Variants in DNAH6 observed in about 807,000 individuals in gnomAD.
DNAH6 encodes axonemal beta dynein heavy chain 6.
DNAH6 carries 340 observed loss-of-function variants against 491.4 expected under a neutral mutation model. The ratio of observed to expected loss-of-function variants is 0.69; its 90% CI spans 0.63 to 0.76. The LOEUF (loss-of-function observed/expected upper bound fraction) is 0.76. DNAH6 is among the 30% of genes least tolerant of loss of function. DNAH6 has a pLI of 0.00. For synonymous variants in DNAH6, 1,603 were observed against 1,686.1 expected, an observed-to-expected ratio of 0.95 and a Z score of 1.21; for missense variants, 4,443 against 4,972.2, an observed-to-expected ratio of 0.89 and a Z score of 3.20.
At chr2:84,682,658 C>T (rs1246871078) in intron 42 of DNAH6, among the ~76,000 whole-genome samples, 3 of 152,190 alleles carry the variant, frequency 2.0e-5, no homozygotes, top group Admixed American at 2.0e-4. Flanking sequence ...GAGGAGACTA[C>T]CATTAGTTGC....
intron 10 of DNAH6, among the ~76,000 whole-genome samples, chr2:84,556,365 C>G (rs748661679): frequency 2.6e-5 from 4 of 152,184 alleles, no homozygotes; most frequent in African/African-American, 7.2e-5. Context: ...TGCAGAGTAT[C>G]CTATTTCTGC....
intron 41 of DNAH6, among the ~76,000 whole-genome samples, chr2:84,680,197 A>G (rs576271969): frequency 6.0e-4 from 92 of 152,328 alleles, no homozygotes; most frequent in African/African-American, 2.1e-3. Flanking sequence ...GGTTTATTTC[A>G]AAAGATCTCA....
chr2:84,693,396 G>GT lies in DNAH6; in HGVS notation c.7293-850dup, dbSNP rs958119021. Among the ~76,000 whole-genome samples the GT allele has an allele frequency of 1.0e-3, 155 of 152,014 alleles. 1 individual carries two copies. The highest frequency in any genetic ancestry group is 3.6e-3 in the African/African-American group (150 of 41,444). On this transcript the variant is annotated intron_variant, in intron 45 of 76. Transcript: ENST00000389394. ...CCCAACTTTTCCTAAATTTGGGGGGGTTTCCCTCCTTTTTGAGTGCTCTCT... is the reference window on the plus strand; with the variant it reads ...CCCAACTTTTCCTAAATTTGGGGGGGTTTTCCCTCCTTTTTGAGTGCTCTCT...
intron 15 of DNAH6, among the ~76,000 whole-genome samples, chr2:84,586,557 C>G (rs915571698): frequency 2.6e-5 from 4 of 152,140 alleles, no homozygotes; most frequent in African/African-American, 9.7e-5. Context: ...TACAGTGATT[C>G]ATTTCATGGG....
At chr2:84,564,471 T>C (rs1680975463) in intron 11 of DNAH6, among the ~76,000 whole-genome samples, 1 of 152,186 alleles carries the variant, frequency 6.6e-6, no homozygotes, top group Non-Finnish European at 1.5e-5. Flanking sequence ...GATTGAGTTA[T>C]TGATTTGAAT....
chr2:84,517,917 A>C lies in DNAH6; in HGVS notation c.91A>C (p.Lys31Gln), dbSNP rs1260988026. The C allele has an allele frequency of 1.9e-6, 3 of 1,551,704 alleles. No individual in the cohort carries two copies. The Admixed American group carries it at 5.9e-5, about 30-fold the overall frequency. The change falls in exon 2 of 77, where the codon AAA becomes CAA. Residue 31 changes from lysine to glutamine, a missense_variant. This residue lies in a region of DNAH6 where 2,977 missense variants were observed against 3,296.6 expected (regional missense o/e 0.90). Transcript: ENST00000389394. ...NSALSRLNNI[K>Q]AKQRVSYVTS... ...TGCACTTTCAAGACTGAATAATATA[A>C]AAGCCAAACAAAGAGTGAGTTATGT...
chr2:84,547,139 G>A (rs1678865764), intron 5 of DNAH6, 129 bp from the exon 6 acceptor site: 1 of 705,040 alleles, frequency 1.4e-6, no homozygotes, highest in African/African-American at 1.8e-5. Flanking sequence ...TATGCATTTT[G>A]TAGTTGTAGC....
intron 63 of DNAH6, among the ~76,000 whole-genome samples, chr2:84,745,613 C>G (rs1672895469): frequency 6.6e-6 from 1 of 151,108 alleles, no homozygotes; most frequent in Non-Finnish European, 1.5e-5. Flanking sequence ...TTGCAGTGAG[C>G]CGAGATCGCG....
chr2:84,600,448 C>G (rs1685105434), intron 18 of DNAH6, among the ~76,000 whole-genome samples: 1 of 151,964 alleles, frequency 6.6e-6, no homozygotes, highest in South Asian at 2.1e-4. Context: ...TTTTCCATCC[C>G]AAGATTTCAT....
At chr2:84,614,652 C>G (rs1344741625) in intron 22 of DNAH6, among the ~76,000 whole-genome samples, 1 of 152,104 alleles carries the variant, frequency 6.6e-6, no homozygotes, top group African/African-American at 2.4e-5. Flanking sequence ...TTCCCACCAG[C>G]AGTGGAAAAG....
chr2:84,706,279 C>T (rs894428254), intron 52 of DNAH6, among the ~76,000 whole-genome samples: 1 of 152,198 alleles, frequency 6.6e-6, no homozygotes. Context: ...CTGCAGCGAG[C>T]ACTCAGCTCT....
At chr2:84,587,948 A>G (rs1345111537) in intron 15 of DNAH6, among the ~76,000 whole-genome samples, 3 of 152,296 alleles carry the variant, frequency 2.0e-5, no homozygotes, top group East Asian at 3.9e-4. Context: ...GCACCATGCT[A>G]GCCCCTATGC....
chr2:84,594,080 T>C lies in DNAH6; in HGVS notation c.2719T>C (p.Leu907=), dbSNP rs1684351598. ...SEWDKLQQEW[L]KSKFDCLDPE... is the part of the protein sequence containing the mutation. Reference sequence around the variant, plus strand: ...ATGGGATAAACTCCAACAAGAATGGTTAAAGGTAGGGGAAAAAAGCCTTCA... The same window carrying C: ...ATGGGATAAACTCCAACAAGAATGGCTAAAGGTAGGGGAAAAAAGCCTTCA... Residue 907 remains leucine, a synonymous_variant, in exon 17 of 77, where the codon TTA becomes CTA. Transcript: ENST00000389394. The C allele has an allele frequency of 1.3e-6, 2 of 1,527,442 alleles. No homozygotes were observed. Among genetic ancestry groups the C allele is most frequent in the Non-Finnish European group, 8.9e-7 (1 of 1,129,688 alleles). The allele number at this position is 1,527,442 out of a possible 1,614,324, so 94.6% of individuals were successfully genotyped here.
the DNAH6 span, among the ~76,000 whole-genome samples, chr2:84,482,861 T>A: frequency 6.6e-6 from 1 of 152,186 alleles, no homozygotes; most frequent in African/African-American, 2.4e-5. Context: ...CCAGCAGGAT[T>A]CAAGCCCTGA....
rs1697218620 is a variant in DNAH6, at chr2:84,713,211, T to C, written c.9495T>C (p.Phe3165=). Residue 3165 remains phenylalanine (F), a synonymous_variant, in exon 57 of 77, where the codon TTT becomes TTC. Coordinates refer to ENST00000389394, the MANE Select transcript of DNAH6 (RefSeq NM_001370.2). ...CAGACATTGATTATGACAAAAACTT[T>C]AGGTTCTATATGACAACCAAAATGC... The part of the protein sequence containing the change: ...GDSDIDYDKN[F]RFYMTTKMPN... The C allele has an allele frequency of 1.9e-6, 3 of 1,552,208 alleles. No homozygotes were observed. The highest frequency in any genetic ancestry group is 1.7e-6 in the Non-Finnish European group (2 of 1,147,090).
intron 33 of DNAH6, among the ~76,000 whole-genome samples, chr2:84,647,854 A>T (rs1211939741): frequency 6.6e-6 from 1 of 152,248 alleles, no homozygotes; most frequent in Admixed American, 6.5e-5. Context: ...TACAAAACAT[A>T]GTAGTTCTTG....
intron 67 of DNAH6, among the ~76,000 whole-genome samples, chr2:84,786,161 C>T (rs753865601): frequency 6.6e-6 from 1 of 152,060 alleles, no homozygotes; most frequent in Admixed American, 6.6e-5. Flanking sequence ...CACAGTGGCT[C>T]ATCCTTGTAA....
chr2:84,560,591 T>A (rs576362665), intron 11 of DNAH6, among the ~76,000 whole-genome samples: 2 of 151,178 alleles, frequency 1.3e-5, no homozygotes, highest in Non-Finnish European at 2.9e-5. Context: ...GTATATCTCC[T>A]AATGCTATCC....
chr2:84,637,326 C>T lies in DNAH6; in HGVS notation c.4770C>T (p.Ala1590=), dbSNP rs1688978676. ...GRTELPDNLK[A]LFRPFAMMVP... ...CTGAATTGCCAGATAATTTGAAAGC[C>T]CTGTTTAGACCATTTGCGATGATGG... is the stretch of plus-strand genomic sequence containing the variant. The change falls in exon 31 of 77, where the codon GCC becomes GCT. Residue 1590 remains alanine (A), a synonymous_variant. Coordinates refer to ENST00000389394, the MANE Select transcript of DNAH6 (RefSeq NM_001370.2). The T allele has an allele frequency of 6.5e-7, 1 of 1,550,268 alleles. No homozygotes were observed. Among genetic ancestry groups the T allele is most frequent in the Admixed American group, 2.0e-5 (1 of 50,910 alleles).
Sources: gnomAD v4.1 joint callset for allele counts (sites outside exome capture counted in the v4.1 genomes callset) on GRCh38, gnomAD v4.1.1 for gene constraint, gnomAD v4.1.1 regional missense constraint, MANE v1.5 for transcripts, NCBI Gene and HGNC (gene_info 2026-07-23, HGNC 2026-07-21) for gene names.